INPP4A: variants seen among roughly 807,000 people sequenced by gnomAD.
The protein encoded by INPP4A is inositol polyphosphate-4-phosphatase, type I, 107kD.
INPP4A carries 33 observed loss-of-function variants against 119.8 expected under a neutral mutation model. That is an observed-to-expected ratio of 0.28 (90% CI 0.21 to 0.37). The LOEUF (loss-of-function observed/expected upper bound fraction) is 0.37, where lower values mean the gene tolerates loss of function less well. Among genes scored for constraint, INPP4A ranks in the 10% least tolerant of loss-of-function variants. The pLI, the probability that INPP4A is intolerant of heterozygous loss-of-function variation, is 1.00. For synonymous variants in INPP4A, 496 were observed against 500.7 expected (o/e 0.99, Z 0.12); for missense variants, 956 against 1,289.9 (o/e 0.74, Z 3.97).
intron 1 of INPP4A, among the ~76,000 whole-genome samples, chr2:98,492,669 G>A (rs55900716): frequency 0.24 from 36,945 of 152,156 alleles, 4,636 homozygotes; most frequent in Middle Eastern, 0.35. Context: ...CCCAGGGGGA[G>A]GTGAAAGCAG....
chr2:98,489,083 G>A (rs1396833093), intron 1 of INPP4A, among the ~76,000 whole-genome samples: 1 of 151,702 alleles, frequency 6.6e-6, no homozygotes, highest in Non-Finnish European at 1.5e-5. Context: ...TGAAAAAGAG[G>A]GTGACAAAAG....
At chr2:98,549,815 G>A (rs1693169278) in intron 13 of INPP4A, among the ~76,000 whole-genome samples, 1 of 152,138 alleles carries the variant, frequency 6.6e-6, no homozygotes. Context: ...GGGTACTTTA[G>A]GTACAAGGGA....
At chr2:98,509,712 A>G (rs1420418219) in intron 1 of INPP4A, among the ~76,000 whole-genome samples, 2 of 152,212 alleles carry the variant, frequency 1.3e-5, no homozygotes, top group Non-Finnish European at 2.9e-5. Context: ...GATTATTGAC[A>G]CATCTCACTC....
chr2:98,469,672 C>T (rs888795557), intron 1 of INPP4A, among the ~76,000 whole-genome samples: 16 of 151,522 alleles, frequency 1.1e-4, no homozygotes, highest in African/African-American at 3.6e-4. Context: ...GGCGTTGGGG[C>T]GCATCCCTGT....
intron 24 of INPP4A, among the ~76,000 whole-genome samples, chr2:98,580,052 G>A (rs981025307): frequency 2.6e-5 from 4 of 152,260 alleles, no homozygotes; most frequent in Non-Finnish European, 2.9e-5. Flanking sequence ...ACATGTACCT[G>A]TTCAGGCGGC....
At chr2:98,500,045 C>T (rs1454918945) in intron 1 of INPP4A, among the ~76,000 whole-genome samples, 1 of 152,184 alleles carries the variant, frequency 6.6e-6, no homozygotes, top group African/African-American at 2.4e-5. Flanking sequence ...CAACCTCAGG[C>T]CGTGTCATTC....
intron 1 of INPP4A, among the ~76,000 whole-genome samples, chr2:98,447,169 T>C (rs1694335041): frequency 6.6e-6 from 1 of 152,164 alleles, no homozygotes; most frequent in South Asian, 2.1e-4. Flanking sequence ...TGTTTTCGTT[T>C]TTAAATGAAA....
At chr2:98,549,675 G>T (rs1215909569) in intron 13 of INPP4A, among the ~76,000 whole-genome samples, 1 of 152,186 alleles carries the variant, frequency 6.6e-6, no homozygotes, top group Non-Finnish European at 1.5e-5. Context: ...TGGGGCTCAG[G>T]GGCTATGGCT....
chr2:98,459,196 G>C (rs1257205310), intron 1 of INPP4A, among the ~76,000 whole-genome samples: 3 of 152,132 alleles, frequency 2.0e-5, no homozygotes, highest in Non-Finnish European at 2.9e-5. Flanking sequence ...AGTAGACCTC[G>C]GCCAGGGGCT....
At position 98,590,406 on chromosome 2, in the gene INPP4A, C is replaced by T. The variant is rs376629219; in HGVS notation, c.*2798C>T. The T allele has an allele frequency of 1.4e-4, 27 of 187,486 alleles. No individual in the cohort carries two copies. The highest frequency in any genetic ancestry group is 5.4e-4 in the African/African-American group (23 of 42,866). The allele number at this position is 187,486 out of a possible 1,614,324, so 11.6% of individuals were successfully genotyped here. A position where few individuals can be genotyped will look rare whatever the true frequency, so the allele number is the denominator to read the frequency against. On this transcript the variant is annotated 3_prime_UTR_variant, in exon 25 of 25. Coordinates refer to ENST00000409851, the MANE Select transcript of INPP4A (RefSeq NM_001134225.2). ...CCAGGTCCCAATCCTGGTTCTGCCC[C>T]TGACTGGCTGGTGACTCTGAGCAAG...
chr2:98,547,702 G>A (rs1692722770), intron 13 of INPP4A, among the ~76,000 whole-genome samples: 1 of 152,074 alleles, frequency 6.6e-6, no homozygotes, highest in South Asian at 2.1e-4. Context: ...AGGTGAATGA[G>A]AGGAAAACAG....
chr2:98,564,557 G>T, intron 18 of INPP4A, 83 bp from the exon 19 acceptor site: 1 of 1,530,350 alleles, frequency 6.5e-7, no homozygotes, highest in South Asian at 1.2e-5. Flanking sequence ...GAGGAAGGGG[G>T]CGGTGGGGGG....
rs1700208681 is a variant in INPP4A at position 98,589,270 on chromosome 2, T to C, written c.*1662T>C. On this transcript the variant is annotated 3_prime_UTR_variant, in exon 25 of 25. Transcript: ENST00000409851. ...ACAGGTGGCTGCTGCTGGTATCAGA[T>C]TCTCCTTTTTAAGTGTCAATTTCTG... 1 of 184,540 alleles carries C rather than the reference T, an allele frequency of 5.4e-6. No individual in the cohort carries two copies. Among genetic ancestry groups the C allele is most frequent in the African/African-American group, 2.3e-5 (1 of 42,590 alleles). The allele number at this position is 184,540 out of a possible 1,614,324, so 11.4% of individuals were successfully genotyped here.
At chr2:98,577,657 A>T (rs1698652879) in intron 24 of INPP4A, among the ~76,000 whole-genome samples, 1 of 152,224 alleles carries the variant, frequency 6.6e-6, no homozygotes, top group African/African-American at 2.4e-5. Flanking sequence ...CAAAGTGTCA[A>T]ATGAGTGTTT....
chr2:98,487,511 C>T lies in INPP4A; in HGVS notation c.-165-31453C>T, dbSNP rs370803367. ...CCTCCCAAAGTGCTGGGATTTCAGGCGTGAGCCACCATGCCTGGCCTGTCT... is the reference window on the plus strand; with the variant it reads ...CCTCCCAAAGTGCTGGGATTTCAGGTGTGAGCCACCATGCCTGGCCTGTCT... On this transcript the variant is annotated intron_variant, in intron 1 of 24. Coordinates refer to ENST00000409851, the MANE Select transcript of INPP4A (RefSeq NM_001134225.2). Among the ~76,000 whole-genome samples the T allele has an allele frequency of 2.3e-4, 35 of 152,280 alleles. No individual in the cohort carries two copies. The Middle Eastern group carries it at 0.01, about 44-fold the overall frequency.
chr2:98,500,467 C>T (rs1682900677), intron 1 of INPP4A, among the ~76,000 whole-genome samples: 1 of 152,160 alleles, frequency 6.6e-6, no homozygotes, highest in African/African-American at 2.4e-5. Flanking sequence ...TTCAGTGATA[C>T]TTGTGAAAAC....
At chr2:98,580,046 G>A (rs1699057177) in intron 24 of INPP4A, among the ~76,000 whole-genome samples, 1 of 152,258 alleles carries the variant, frequency 6.6e-6, no homozygotes, top group Admixed American at 6.5e-5. Flanking sequence ...GGGAAGACAT[G>A]TACCTGTTCA....
rs772803601 is a variant in INPP4A at position 98,520,117 on chromosome 2, C to G, written c.69C>G (p.Ile23Met). 1 of 1,568,226 alleles carries G rather than the reference C, an allele frequency of 6.4e-7. No homozygotes were observed. The highest frequency in any genetic ancestry group is 8.7e-7 in the Non-Finnish European group (1 of 1,155,504). ...GTGCAATGCAGCGGGCTTCCACCAT[C>G]GACGTGGCGGCCGACATGCTGGGCC... is the stretch of plus-strand genomic sequence containing the variant. ...RARAMQRAST[I>M]DVAADMLGLS... is the part of the protein sequence containing the mutation. Residue 23 changes from isoleucine (I) to methionine (M), a missense_variant, in exon 3 of 25, where the codon ATC becomes ATG. By Grantham distance (10) the Ile-to-Met change is conservative. Coordinates refer to ENST00000409851, the MANE Select transcript of INPP4A (RefSeq NM_001134225.2).
chr2:98,566,019 C>T lies in INPP4A; in HGVS notation c.2280-10C>T. On this transcript the variant is annotated splice_polypyrimidine_tract_variant and intron_variant, in intron 20 of 24. Coordinates refer to ENST00000409851, the MANE Select transcript of INPP4A (RefSeq NM_001134225.2). The surrounding 1 kb of genome is among the most constrained non-coding windows in gnomAD (Gnocchi z 4.2). Reference sequence around the variant, plus strand: ...CTCACACTGCTCTCCCTCTCTCCACCTTTCTCCAGCGACGGGTTTAACGTG... The same window carrying T: ...CTCACACTGCTCTCCCTCTCTCCACTTTTCTCCAGCGACGGGTTTAACGTG... 1 of 1,603,384 alleles carries T rather than the reference C, an allele frequency of 6.2e-7. No individual in the cohort carries two copies. The highest frequency in any genetic ancestry group is 8.5e-7 in the Non-Finnish European group (1 of 1,175,054).
Sources: allele counts gnomAD v4.1 joint callset (sites outside exome capture counted in the v4.1 genomes callset), GRCh38; gene constraint gnomAD v4.1.1; non-coding constraint Gnocchi (gnomAD v3.1); transcripts MANE v1.5; gene names NCBI Gene and HGNC (gene_info 2026-07-23, HGNC 2026-07-21).